Variants in CLASP2 observed in about 807,000 individuals in gnomAD.
CLASP2 encodes the protein cytoplasmic linker associated protein 2.
CLASP2 carries 47 observed loss-of-function variants against 194.4 expected under a neutral mutation model. That is an observed-to-expected ratio of 0.24 (90% CI 0.19 to 0.31). CLASP2 has a LOEUF of 0.31. CLASP2 is among the 10% of genes least tolerant of loss of function. The pLI is 1.00. For missense variants in CLASP2, 1,445 were observed against 1,823.6 expected (o/e 0.79, Z 3.78); for synonymous variants, 619 against 633.5 (o/e 0.98, Z 0.34).
chr3:33,581,058 G>GA (rs977443856), intron 23 of CLASP2, among the ~76,000 whole-genome samples: 1 of 142,404 alleles, frequency 7.0e-6, no homozygotes, highest in South Asian at 2.3e-4. Context: ...AGAAAAAGAA[G>GA]AAAAAAAATC....
At position 33,510,553 on chromosome 3, in the gene CLASP2, C is replaced by T; in HGVS notation, c.4317+5G>A. 1 of 1,613,200 alleles carries T rather than the reference C, an allele frequency of 6.2e-7. No individual in the cohort carries two copies. Among genetic ancestry groups the T allele is most frequent in the Non-Finnish European group, 8.5e-7 (1 of 1,179,266 alleles). On this transcript the variant is annotated splice_donor_5th_base_variant and intron_variant, in intron 37 of 38. Transcript: ENST00000682230. ...GCTTATTCCTCTCCAAGCTTTGTTG[C>T]TTACCTGTATTAGACCTGGCATAAT... is the stretch of plus-strand genomic sequence containing the variant.
intron 34 of CLASP2, among the ~76,000 whole-genome samples, chr3:33,529,977 TCC>T (rs1218367321): frequency 3.2e-5 from 3 of 92,722 alleles, no homozygotes; most frequent in African/African-American, 4.4e-5. Flanking sequence ...AGAGCGAGAC[TCC>T]GTCTCAAAAA....
At chr3:33,602,916 G>C (rs1226525682) in intron 18 of CLASP2, 36 bp downstream of exon 18, 1 of 1,576,296 alleles carries the variant, frequency 6.3e-7, no homozygotes, top group African/African-American at 1.3e-5. Context: ...ATCAGGGAGA[G>C]AACATGGTAC....
chr3:33,503,918 G>T (rs78041682), intron 37 of CLASP2: 1 of 152,116 alleles, frequency 6.6e-6, no homozygotes, highest in African/African-American at 2.4e-5. Context: ...TTTGATTTCC[G>T]TAATTACTAA....
intron 21 of CLASP2, among the ~76,000 whole-genome samples, chr3:33,589,813 TA>T (rs1203436957): frequency 6.6e-6 from 1 of 151,894 alleles, no homozygotes; most frequent in Admixed American, 6.6e-5. Context: ...TAAGTATTTT[TA>T]AAAAAAAGCC....
At chr3:33,667,211 A>T (rs573066846) in intron 6 of CLASP2, among the ~76,000 whole-genome samples, 4 of 152,150 alleles carry the variant, frequency 2.6e-5, no homozygotes, top group African/African-American at 9.6e-5. Flanking sequence ...CAAAGGTTAA[A>T]GACCAGCCTG....
chr3:33,682,974 T>G (rs1323682914), intron 6 of CLASP2: 1 of 152,160 alleles, frequency 6.6e-6, no homozygotes, highest in East Asian at 1.9e-4. Flanking sequence ...TGTATAACAT[T>G]TTGCAATTGT....
chr3:33,539,985 T>G (rs2058065252), intron 32 of CLASP2, among the ~76,000 whole-genome samples: 1 of 151,392 alleles, frequency 6.6e-6, no homozygotes, highest in Non-Finnish European at 1.5e-5. Flanking sequence ...TGGCGCAACC[T>G]TGGCTCACTG....
At chr3:33,697,190 G>C (rs1446450304) in intron 1 of CLASP2, among the ~76,000 whole-genome samples, 1 of 152,168 alleles carries the variant, frequency 6.6e-6, no homozygotes, top group African/African-American at 2.4e-5. Flanking sequence ...TAGTAAATTA[G>C]ACAAAGGTCA....
chr3:33,589,437 AAAGT>A (rs1385179902), intron 21 of CLASP2, among the ~76,000 whole-genome samples: 1 of 152,150 alleles, frequency 6.6e-6, no homozygotes, highest in African/African-American at 2.4e-5. Context: ...ACTTTATGAC[AAAGT>A]AAGGATGATG....
chr3:33,663,656 A>G, intron 6 of CLASP2, 141 bp from the exon 7 acceptor site: 1 of 609,252 alleles, frequency 1.6e-6, no homozygotes, highest in Non-Finnish European at 2.9e-6. Flanking sequence ...TTCACAATTA[A>G]CGCACTGAAA....
At chr3:33,678,392 G>A (rs774991328) in intron 6 of CLASP2, among the ~76,000 whole-genome samples, 9 of 152,034 alleles carry the variant, frequency 5.9e-5, no homozygotes, top group Non-Finnish European at 1.2e-4. Flanking sequence ...AAAAAACACT[G>A]CCTATAGAGG....
intron 28 of CLASP2, among the ~76,000 whole-genome samples, chr3:33,560,273 C>T (rs762880438): frequency 2.0e-5 from 3 of 150,536 alleles, no homozygotes; most frequent in Non-Finnish European, 3.0e-5. Flanking sequence ...GACAGAGTCT[C>T]GCTCTGTTGC....
intron 8 of CLASP2, among the ~76,000 whole-genome samples, chr3:33,637,674 T>A (rs2080421559): frequency 6.6e-6 from 1 of 152,224 alleles, no homozygotes; most frequent in African/African-American, 2.4e-5. Context: ...AGTAAATATT[T>A]GCAAGCTGTT....
intron 6 of CLASP2, among the ~76,000 whole-genome samples, chr3:33,677,972 T>G (rs1476485514): frequency 2.8e-5 from 4 of 143,874 alleles, no homozygotes; most frequent in Non-Finnish European, 6.1e-5. Context: ...TTAATAAAAT[T>G]AAAGAATGTC....
Position 33,571,015 on chromosome 3 carries a change from A to ATTTTTTTTTTTTTTTTTTTTTTTT in CLASP2, c.2700-226_2700-225insAAAAAAAAAAAAAAAAAAAAAAAA, listed in dbSNP as rs1027731514. Among the ~76,000 whole-genome samples the ATTTTTTTTTTTTTTTTTTTTTTTT allele has an allele frequency of 4.5e-4, 56 of 123,898 alleles. 3 individuals are homozygous for ATTTTTTTTTTTTTTTTTTTTTTTT. The highest frequency in any genetic ancestry group is 1.1e-3 in the Admixed American group (12 of 10,772). 81.3% of individuals were successfully genotyped at this position (123,898 alleles called of 152,430 possible). A position where few individuals can be genotyped will look rare whatever the true frequency, so the allele number is the denominator to read the frequency against. The stretch of plus-strand genomic sequence containing the variant: ...AGATGGCAAGATCCTGTCTCTATAA[A>ATTTTTTTTTTTTTTTTTTTTTTTT]TTTTTTTTTTTTTTTTTTGAGACGG... On this transcript the variant is annotated intron_variant, in intron 25 of 38. Coordinates refer to ENST00000682230, the MANE Select transcript of CLASP2 (RefSeq NM_001365631.1).
chr3:33,583,748 A>G (rs532547487), intron 22 of CLASP2, among the ~76,000 whole-genome samples: 51 of 152,372 alleles, frequency 3.3e-4, no homozygotes, highest in Admixed American at 6.5e-4. Context: ...TATTTTTTAA[A>G]GTTACATAGG....
chr3:33,629,471 T>C (rs992765928), intron 9 of CLASP2, among the ~76,000 whole-genome samples: 1 of 152,222 alleles, frequency 6.6e-6, no homozygotes, highest in East Asian at 1.9e-4. Context: ...TGGTGACTAC[T>C]TATTTACTAA....
intron 18 of CLASP2, among the ~76,000 whole-genome samples, chr3:33,598,914 G>C (rs1047423667): frequency 6.6e-6 from 1 of 152,102 alleles, no homozygotes; most frequent in Non-Finnish European, 1.5e-5. Flanking sequence ...TGAAGTTAAA[G>C]AGTGAACTTC....
Sources: gnomAD v4.1 joint callset for allele counts (sites outside exome capture counted in the v4.1 genomes callset) on GRCh38, gnomAD v4.1.1 for gene constraint, MANE v1.5 for transcripts, NCBI Gene and HGNC (gene_info 2026-07-23, HGNC 2026-07-21) for gene names.